Variants in HPSE2 observed in about 807,000 individuals in gnomAD.
The protein encoded by HPSE2 is inactive heparanase-2.
HPSE2 carries 38 observed loss-of-function variants against 60.5 expected under a neutral mutation model. The ratio of observed to expected loss-of-function variants is 0.63; its 90% CI spans 0.48 to 0.82. The LOEUF (loss-of-function observed/expected upper bound fraction) is 0.82, where lower values mean the gene tolerates loss of function less well. Ranked by LOEUF, HPSE2 falls within the 40% of genes least tolerant of loss-of-function variation. The probability of loss-of-function intolerance (pLI) is 0.00; values close to 1 mark genes in which losing one functional copy is unlikely to be tolerated. For synonymous variants in HPSE2, 295 were observed against 293.2 expected (o/e 1.01, Z -0.06); for missense variants, 713 against 740.4 (o/e 0.96, Z 0.43).
intron 2 of HPSE2, among the ~76,000 whole-genome samples, chr10:99,198,086 A>AT (rs1345664245): frequency 1.3e-5 from 2 of 151,800 alleles, no homozygotes; most frequent in Admixed American, 6.6e-5. Context: ...AAAAAAGTGA[A>AT]TTTTTTCCAA....
chr10:98,549,019 T>C (rs1943780052), intron 9 of HPSE2, among the ~76,000 whole-genome samples: 1 of 152,180 alleles, frequency 6.6e-6, no homozygotes, highest in African/African-American at 2.4e-5. Flanking sequence ...CCTATTTTCC[T>C]ACAAAGTTGT....
intron 3 of HPSE2, among the ~76,000 whole-genome samples, chr10:98,863,886 T>C (rs895570909): frequency 6.6e-6 from 1 of 152,124 alleles, no homozygotes; most frequent in African/African-American, 2.4e-5. Flanking sequence ...GTGAATTTCA[T>C]TATTATTCAC....
chr10:99,012,877 G>A (rs936602760), intron 3 of HPSE2, among the ~76,000 whole-genome samples: 2 of 152,118 alleles, frequency 1.3e-5, no homozygotes, highest in African/African-American at 2.4e-5. Context: ...AGAAAAATGT[G>A]ATTCACAGCT....
rs187765412 is a variant in HPSE2, at chr10:98,970,452, G to A, written c.610+173786C>T. On this transcript the variant is annotated intron_variant, in intron 3 of 11. Coordinates refer to ENST00000370552, the MANE Select transcript of HPSE2 (RefSeq NM_021828.5). ...TTTGGAGCGGACACATATTCAAACC[G>A]TATCAGGTCCTTTGCAACACTGACA... 8.5e-5 allele frequency among the ~76,000 whole-genome samples: 13 copies of A among 152,208 alleles called. No individual in the cohort carries two copies. In the East Asian group the frequency reaches 1.2e-3, roughly 14 times the overall value.
At chr10:98,884,145 G>A (rs970795896) in intron 3 of HPSE2, among the ~76,000 whole-genome samples, 2 of 152,154 alleles carry the variant, frequency 1.3e-5, no homozygotes, top group Non-Finnish European at 2.9e-5. Context: ...GCCTAATCCA[G>A]AGCAAGGCCT....
Position 98,579,434 on chromosome 10 carries a change from T to C in HPSE2, c.1320+35470A>G, listed in dbSNP as rs139048847. ...AAAAACAGAGTAAGACTTGCCAAGG[T>C]AGTGCTCTCCATTACTGTGGTAAGC... is the stretch of plus-strand genomic sequence containing the variant. On this transcript the variant is annotated intron_variant, in intron 9 of 11. Transcript: ENST00000370552. Among the ~76,000 whole-genome samples the C allele has an allele frequency of 4.7e-3, 713 of 152,272 alleles. 8 individuals carry two copies. The highest frequency in any genetic ancestry group is 0.016 in the African/African-American group (684 of 41,570).
intron 3 of HPSE2, among the ~76,000 whole-genome samples, chr10:99,071,217 C>T (rs1314262963): frequency 1.3e-5 from 2 of 151,788 alleles, no homozygotes; most frequent in Admixed American, 6.6e-5. Flanking sequence ...TTACAGGCAC[C>T]CACCACCACG....
chr10:99,247,445 T>C, the HPSE2 span, among the ~76,000 whole-genome samples: 1 of 152,142 alleles, frequency 6.6e-6, no homozygotes, highest in African/African-American at 2.4e-5. Context: ...AAAACACACT[T>C]AAGTATATAA....
chr10:98,827,531 G>A (rs1951580404), intron 3 of HPSE2, among the ~76,000 whole-genome samples: 1 of 152,180 alleles, frequency 6.6e-6, no homozygotes, highest in Middle Eastern at 3.2e-3. Flanking sequence ...TTCAACAGTG[G>A]TTTGTTACGC....
Position 98,985,141 on chromosome 10 carries a change from C to A in HPSE2, c.610+159097G>T, listed in dbSNP as rs192493625. Among the ~76,000 whole-genome samples, 145 of 152,108 alleles carry A rather than the reference C, an allele frequency of 9.5e-4. 3 individuals are homozygous for A. The East Asian group carries it at 0.014, about 15-fold the overall frequency. ...ATTCAGACTCAGGAAATACAGAGAA[C>A]GCCACAAAGATACTCCTCGAGAAGA... On this transcript the variant is annotated intron_variant, in intron 3 of 11. Transcript: ENST00000370552.
intron 6 of HPSE2, among the ~76,000 whole-genome samples, chr10:98,685,790 G>A (rs900017380): frequency 3.3e-5 from 5 of 152,050 alleles, no homozygotes; most frequent in Admixed American, 2.6e-4. Flanking sequence ...CTTTGTCATA[G>A]GACAGGCATA....
chr10:98,518,191 T>C (rs1564934374), intron 9 of HPSE2, among the ~76,000 whole-genome samples: 1 of 152,174 alleles, frequency 6.6e-6, no homozygotes, highest in Non-Finnish European at 1.5e-5. Context: ...TTTGGATGGA[T>C]AGGGCTTTTT....
At chr10:99,039,346 C>G (rs1316100713) in intron 3 of HPSE2, among the ~76,000 whole-genome samples, 1 of 152,064 alleles carries the variant, frequency 6.6e-6, no homozygotes, top group African/African-American at 2.4e-5. Context: ...CCACTTATCT[C>G]AACTGTCTTG....
At chr10:98,600,899 A>ATG (rs1565002847) in intron 9 of HPSE2, among the ~76,000 whole-genome samples, 1 of 116,574 alleles carries the variant, frequency 8.6e-6, no homozygotes, top group African/African-American at 3.4e-5. Flanking sequence ...ATACGTATAT[A>ATG]TATGTGTGTG....
intron 3 of HPSE2, among the ~76,000 whole-genome samples, chr10:98,747,238 A>ATT (rs1949651691): frequency 6.6e-6 from 1 of 152,190 alleles, no homozygotes; most frequent in Non-Finnish European, 1.5e-5. Flanking sequence ...AGCATGCAAT[A>ATT]AAATTACTTA....
intron 9 of HPSE2, among the ~76,000 whole-genome samples, chr10:98,506,226 A>G (rs2133726367): frequency 6.6e-6 from 1 of 152,244 alleles, no homozygotes; most frequent in East Asian, 1.9e-4. Context: ...CTTTTTCTCT[A>G]TTAAGAAATG....
chr10:98,851,391 GA>G (rs11311802), intron 3 of HPSE2, among the ~76,000 whole-genome samples: 98,008 of 151,946 alleles, frequency 0.65, 32,437 homozygotes, highest in South Asian at 0.77. Context: ...AGGTTTTCAT[GA>G]AGTGAAAAGA....
At chr10:99,092,576 T>C (rs891822149) in intron 3 of HPSE2, among the ~76,000 whole-genome samples, 1 of 152,170 alleles carries the variant, frequency 6.6e-6, no homozygotes, top group Non-Finnish European at 1.5e-5. Context: ...CTTCAAAATA[T>C]CTGCAAGCAT....
intron 8 of HPSE2, among the ~76,000 whole-genome samples, chr10:98,618,802 C>T (rs1289132705): frequency 6.6e-6 from 1 of 152,148 alleles, no homozygotes; most frequent in African/African-American, 2.4e-5. Context: ...GTCTCAAACT[C>T]CTGACCTCAA....
Sources: gnomAD v4.1 joint callset for allele counts (sites outside exome capture counted in the v4.1 genomes callset) on GRCh38, gnomAD v4.1.1 for gene constraint, MANE v1.5 for transcripts, NCBI Gene and HGNC (gene_info 2026-07-23, HGNC 2026-07-21) for gene names.